IGF2BP3: variants seen among roughly 807,000 people sequenced by gnomAD.
The protein encoded by IGF2BP3 is insulin-like growth factor 2 mRNA-binding protein 3.
A neutral mutation model predicts 73.8 loss-of-function variants in IGF2BP3; 9 were observed. The ratio of observed to expected loss-of-function variants is 0.12; its 90% confidence interval spans 0.07 to 0.21. IGF2BP3 has a LOEUF of 0.21. IGF2BP3 is among the 10% of genes least tolerant of loss of function. IGF2BP3 has a pLI of 1.00. For missense variants in IGF2BP3, 542 were observed against 714.0 expected (o/e 0.76, Z 2.75); for synonymous variants, 258 against 256.7 (o/e 1.01, Z -0.05).
chr7:23,400,947 G>T (rs184451982), intron 3 of IGF2BP3, among the ~76,000 whole-genome samples: 17 of 152,220 alleles, frequency 1.1e-4, no homozygotes, highest in Admixed American at 7.2e-4. Flanking sequence ...TTACAAGCAC[G>T]TGCCACCACA....
intron 6 of IGF2BP3, among the ~76,000 whole-genome samples, chr7:23,350,490 C>T (rs1201688352): frequency 6.6e-6 from 1 of 152,120 alleles, no homozygotes; most frequent in African/African-American, 2.4e-5. Flanking sequence ...GAGTTTGTCA[C>T]CAAGCTTCTT....
At chr7:23,452,729 G>A (rs1011837750) in intron 2 of IGF2BP3, among the ~76,000 whole-genome samples, 2 of 151,144 alleles carry the variant, frequency 1.3e-5, no homozygotes, top group African/African-American at 4.9e-5. Context: ...TTGAACCCAG[G>A]AGGCGGAGGT....
chr7:23,468,892 G>C (rs938429282), intron 1 of IGF2BP3, among the ~76,000 whole-genome samples: 1 of 152,194 alleles, frequency 6.6e-6, no homozygotes, highest in Non-Finnish European at 1.5e-5. Flanking sequence ...GGGCAGACTC[G>C]GGGCAGGGGG....
At chr7:23,361,411 A>T in intron 5 of IGF2BP3, 123 bp downstream of exon 5, 1 of 715,736 alleles carries the variant, frequency 1.4e-6, no homozygotes, top group Non-Finnish European at 2.4e-6. Context: ...TACAGGGTCA[A>T]ATTTTGTAAA....
At chr7:23,392,483 TATACACAC>T (rs894226871) in intron 3 of IGF2BP3, among the ~76,000 whole-genome samples, 8 of 150,782 alleles carry the variant, frequency 5.3e-5, no homozygotes, top group African/African-American at 4.9e-5. Flanking sequence ...TATATATATA[TATACACAC>T]ATACACACAT....
chr7:23,320,808 C>G (rs191774197), intron 10 of IGF2BP3, among the ~76,000 whole-genome samples: 87 of 151,518 alleles, frequency 5.7e-4, no homozygotes, highest in Non-Finnish European at 9.0e-4. Flanking sequence ...ATTAGCCAGG[C>G]ATGGTAGCGC....
intron 3 of IGF2BP3, among the ~76,000 whole-genome samples, chr7:23,393,358 C>T (rs191063559): frequency 4.6e-4 from 70 of 152,228 alleles, no homozygotes; most frequent in African/African-American, 1.6e-3. Flanking sequence ...CAATCGTAAC[C>T]GATGATCATC....
intron 2 of IGF2BP3, among the ~76,000 whole-genome samples, chr7:23,460,486 T>C (rs1788424057): frequency 6.7e-6 from 1 of 150,002 alleles, no homozygotes; most frequent in Non-Finnish European, 1.5e-5. Context: ...TGAGCCAAGA[T>C]CGCCACTGCA....
At chr7:23,341,714 A>G (rs1784717102) in intron 10 of IGF2BP3, among the ~76,000 whole-genome samples, 1 of 152,138 alleles carries the variant, frequency 6.6e-6, no homozygotes, top group Non-Finnish European at 1.5e-5. Context: ...TACCTATGTA[A>G]CAAACCTGCA....
intron 3 of IGF2BP3, among the ~76,000 whole-genome samples, chr7:23,366,714 T>G (rs144304357): frequency 6.6e-6 from 1 of 152,142 alleles, no homozygotes; most frequent in African/African-American, 2.4e-5. Flanking sequence ...ATCTTTGATG[T>G]CTTACTCAAA....
intron 2 of IGF2BP3, among the ~76,000 whole-genome samples, chr7:23,435,369 G>T (rs1446046271): frequency 2.1e-5 from 3 of 142,310 alleles, no homozygotes; most frequent in African/African-American, 5.2e-5. Flanking sequence ...TCTGAGAACA[G>T]AATTACATAT....
At chr7:23,312,679 G>T in intron 14 of IGF2BP3, 56 bp downstream of exon 14, 1 of 1,218,712 alleles carries the variant, frequency 8.2e-7, no homozygotes, top group Non-Finnish European at 1.2e-6. Flanking sequence ...GAGCACCTGT[G>T]GGAGAATTGC....
chr7:23,393,059 A>C (rs182051173), intron 3 of IGF2BP3, among the ~76,000 whole-genome samples: 2 of 152,312 alleles, frequency 1.3e-5, no homozygotes, highest in African/African-American at 4.8e-5. Context: ...GACACTCAGC[A>C]AGTCTCATTA....
intron 2 of IGF2BP3, among the ~76,000 whole-genome samples, chr7:23,427,989 G>T (rs1354374498): frequency 6.6e-6 from 1 of 151,696 alleles, no homozygotes; most frequent in Admixed American, 6.6e-5. Context: ...CTGGGTGACA[G>T]GGCGAGACAC....
intron 3 of IGF2BP3, among the ~76,000 whole-genome samples, chr7:23,405,545 G>C (rs1024174542): frequency 6.6e-6 from 1 of 152,208 alleles, no homozygotes; most frequent in African/African-American, 2.4e-5. Context: ...GAACCGGGCC[G>C]CACAGCAGAA....
chr7:23,377,582 A>G (rs1785768363), intron 3 of IGF2BP3, among the ~76,000 whole-genome samples: 1 of 152,236 alleles, frequency 6.6e-6, no homozygotes, highest in Non-Finnish European at 1.5e-5. Context: ...TTCTTCAAAA[A>G]GTTACCATAT....
chr7:23,415,760 C>G (rs2128534013), intron 3 of IGF2BP3, among the ~76,000 whole-genome samples: 1 of 152,358 alleles, frequency 6.6e-6, no homozygotes, highest in East Asian at 1.9e-4. Context: ...TCCAAAACCT[C>G]AACTTCCTCT....
chr7:23,460,312 G>A (rs1032537736), intron 2 of IGF2BP3, among the ~76,000 whole-genome samples: 5 of 151,938 alleles, frequency 3.3e-5, no homozygotes, highest in African/African-American at 1.2e-4. Context: ...CAGATTACCT[G>A]AAGTTATGAG....
chr7:23,320,384 C>A (rs1299929783), intron 10 of IGF2BP3, among the ~76,000 whole-genome samples: 1 of 152,044 alleles, frequency 6.6e-6, no homozygotes, highest in Non-Finnish European at 1.5e-5. Flanking sequence ...GGATAAAGGA[C>A]ACATTTGCTC....
Sources: gnomAD v4.1 joint callset for allele counts (sites outside exome capture counted in the v4.1 genomes callset) on GRCh38, gnomAD v4.1.1 for gene constraint, MANE v1.5 for transcripts, NCBI Gene and HGNC (gene_info 2026-07-23, HGNC 2026-07-21) for gene names.